The following OSBPL10 variants were observed in gnomAD, a reference collection of about 807,000 sequenced individuals.
OSBPL10 encodes the protein oxysterol-binding protein-related protein 10.
OSBPL10 carries 49 observed loss-of-function variants against 81.7 expected under a neutral mutation model. That is an observed-to-expected ratio of 0.60 (90% CI 0.48 to 0.76). The LOEUF (loss-of-function observed/expected upper bound fraction) is 0.76, where lower values mean the gene tolerates loss of function less well. OSBPL10 is among the 30% of genes least tolerant of loss of function. The pLI, the probability that OSBPL10 is intolerant of heterozygous loss-of-function variation, is 0.00. For missense variants in OSBPL10, 923 were observed against 987.8 expected, an observed-to-expected ratio of 0.93 and a Z score of 0.88; for synonymous variants, 419 against 383.6, an observed-to-expected ratio of 1.09 and a Z score of -1.08.
rs1019998872 is a variant in OSBPL10, at chr3:32,016,701, A to G, written n.298+29790T>C. Among the ~76,000 whole-genome samples the G allele has an allele frequency of 3.3e-5, 5 of 152,210 alleles. 1 individual carries two copies. The highest frequency in any genetic ancestry group is 7.2e-5 in the African/African-American group (3 of 41,462). Reference sequence around the variant, plus strand: ...AATAGGTTGTCAAAAAGCTAGAGCAATTGTTGATAGTCTCAAGTTTTAATG... The same window carrying G: ...AATAGGTTGTCAAAAAGCTAGAGCAGTTGTTGATAGTCTCAAGTTTTAATG... On this transcript the variant is annotated intron_variant and non_coding_transcript_variant, in intron 2 of 3. Coordinates refer to the OSBPL10 transcript ENST00000479173.
At chr3:31,726,995 C>G (rs2125651235) in intron 6 of OSBPL10, among the ~76,000 whole-genome samples, 1 of 152,002 alleles carries the variant, frequency 6.6e-6, no homozygotes, top group South Asian at 2.1e-4. Context: ...CGGCACGTAC[C>G]CAGCTAATTT....
At chr3:31,775,879 A>G (rs1698534450) in intron 4 of OSBPL10, among the ~76,000 whole-genome samples, 1 of 152,206 alleles carries the variant, frequency 6.6e-6, no homozygotes, top group African/African-American at 2.4e-5. Flanking sequence ...GTTAGAGAAC[A>G]AGGTGAAGAA....
intron 4 of OSBPL10, among the ~76,000 whole-genome samples, chr3:31,765,564 G>A (rs1250999303): frequency 6.6e-6 from 1 of 152,172 alleles, no homozygotes; most frequent in Non-Finnish European, 1.5e-5. Flanking sequence ...GAGCTGGGAA[G>A]GGGCTGTTCT....
chr3:31,702,422 C>T lies in OSBPL10; in HGVS notation c.1182G>A (p.Glu394=). The T allele has an allele frequency of 6.2e-7, 1 of 1,614,224 alleles. No homozygotes were observed. The highest frequency in any genetic ancestry group is 8.5e-7 in the Non-Finnish European group (1 of 1,180,034). Reference sequence around the variant, plus strand: ...GATGAAGAATTATACTACGCTGATCCTCCATGACGCCCAATTCCGTCTCTT... The same window carrying T: ...GATGAAGAATTATACTACGCTGATCTTCCATGACGCCCAATTCCGTCTCTT... ...DKEETELGVM[E]DQRSIILHLI... is the part of the protein sequence containing the mutation. Residue 394 remains glutamate (E), a synonymous_variant, in exon 7 of 12, where the codon GAG becomes GAA. Transcript: ENST00000396556.
At chr3:31,970,937 C>T (rs986749941) in intron 1 of OSBPL10, among the ~76,000 whole-genome samples, 3 of 152,114 alleles carry the variant, frequency 2.0e-5, no homozygotes, top group African/African-American at 7.2e-5. Flanking sequence ...CTACCAGGGA[C>T]GCCCTGCTGA....
At chr3:32,059,508 T>C (rs1699739432) in intron 1 of OSBPL10, among the ~76,000 whole-genome samples, 1 of 151,772 alleles carries the variant, frequency 6.6e-6, no homozygotes. Context: ...GGAGAATCGC[T>C]TGAACCCGGG....
intron 2 of OSBPL10, among the ~76,000 whole-genome samples, chr3:32,042,267 A>T (rs1699583499): frequency 1.3e-5 from 2 of 152,240 alleles, no homozygotes. Flanking sequence ...GACATGGCAG[A>T]TCAAAGACAA....
At chr3:31,753,534 T>G (rs1276805104) in intron 4 of OSBPL10, among the ~76,000 whole-genome samples, 1 of 152,164 alleles carries the variant, frequency 6.6e-6, no homozygotes, top group Non-Finnish European at 1.5e-5. Flanking sequence ...AACAGCTTAC[T>G]GTCTGCCTTA....
intron 4 of OSBPL10, among the ~76,000 whole-genome samples, chr3:31,804,386 AGC>A (rs1156667757): frequency 2.6e-5 from 4 of 152,232 alleles, no homozygotes; most frequent in Admixed American, 1.3e-4. Flanking sequence ...GAGGGCACTC[AGC>A]TAGTCAGTAG....
chr3:32,054,156 T>C (rs1375337298), intron 1 of OSBPL10, among the ~76,000 whole-genome samples: 1 of 152,358 alleles, frequency 6.6e-6, no homozygotes, highest in South Asian at 2.1e-4. Flanking sequence ...GAATGACTTA[T>C]GGTAACCTGG....
At chr3:31,815,155 GCCC>G (rs1559477619) in intron 4 of OSBPL10, among the ~76,000 whole-genome samples, 16 of 21,392 alleles carry the variant, frequency 7.5e-4, no homozygotes, top group African/African-American at 1.5e-3. Flanking sequence ...TGCCCTGCCA[GCCC>G]CTGGCTTGCT....
intron 1 of OSBPL10, among the ~76,000 whole-genome samples, chr3:31,944,871 G>C (rs1292569029): frequency 1.4e-4 from 15 of 108,122 alleles, no homozygotes; most frequent in African/African-American, 4.9e-4. Context: ...AAAAAAAAAA[G>C]GCCAGGCACA....
chr3:31,867,735 A>C (rs1032084069), intron 3 of OSBPL10, among the ~76,000 whole-genome samples: 3 of 144,436 alleles, frequency 2.1e-5, no homozygotes, highest in African/African-American at 7.6e-5. Context: ...GAGTAAGACA[A>C]GAAGAAAGAG....
intron 2 of OSBPL10, among the ~76,000 whole-genome samples, chr3:32,003,295 T>A (rs1007961714): frequency 6.6e-6 from 1 of 152,216 alleles, no homozygotes; most frequent in African/African-American, 2.4e-5. Context: ...GTCATTAGCG[T>A]GGTCTTCCTA....
chr3:31,682,443 T>C (rs1700675940), intron 8 of OSBPL10, among the ~76,000 whole-genome samples: 1 of 152,182 alleles, frequency 6.6e-6, no homozygotes. Flanking sequence ...GGGCTTCCTG[T>C]CTCCATCCCC....
rs58479197 is a variant in OSBPL10, at chr3:31,898,006, C to CAAA, written c.282-18179_282-18177dup. On this transcript the variant is annotated intron_variant, in intron 1 of 11. Coordinates refer to ENST00000396556, the MANE Select transcript of OSBPL10 (RefSeq NM_017784.5). ...TTGGGTGACACAGCGAGAACTCTGT[C>CAAA]AAAAAAAAAAAAAAAAAAAAAAAAA... Among the ~76,000 whole-genome samples, 165 of 62,456 alleles carry CAAA rather than the reference C, an allele frequency of 2.6e-3. 12 individuals are homozygous for CAAA. The highest frequency in any genetic ancestry group is 5.6e-3 in the East Asian group (10 of 1,794). The allele number at this position is 62,456 out of a possible 152,430, so 41.0% of individuals were successfully genotyped here.
intron 10 of OSBPL10, 175 bp from the exon 11 acceptor site, chr3:31,664,407 C>T: frequency 1.6e-6 from 1 of 625,062 alleles, no homozygotes; most frequent in Non-Finnish European, 2.8e-6. Context: ...CAGGGCTACC[C>T]AGCTCCACCT....
At chr3:31,903,045 T>C (rs1696296776) in intron 1 of OSBPL10, among the ~76,000 whole-genome samples, 1 of 152,174 alleles carries the variant, frequency 6.6e-6, no homozygotes, top group Admixed American at 6.5e-5. Flanking sequence ...CCTTCATCCC[T>C]GCTATAGTCC....
At chr3:31,830,819 C>T (rs1410783456) in intron 3 of OSBPL10, among the ~76,000 whole-genome samples, 4 of 152,182 alleles carry the variant, frequency 2.6e-5, no homozygotes, top group Non-Finnish European at 5.9e-5. Context: ...TCTATATGCA[C>T]GAACTAAGCT....
Sources: gnomAD v4.1 joint callset for allele counts (sites outside exome capture counted in the v4.1 genomes callset) on GRCh38, gnomAD v4.1.1 for gene constraint, MANE v1.5 for transcripts, NCBI Gene and HGNC (gene_info 2026-07-23, HGNC 2026-07-21) for gene names.